LRRC8C: variants seen among roughly 807,000 people sequenced by gnomAD.
The protein encoded by LRRC8C is leucine rich repeat containing 8 VRAC subunit C.
In LRRC8C, 20 loss-of-function variants were observed where a neutral mutation model predicts 55.3. The ratio of observed to expected loss-of-function variants is 0.36; its 90% CI spans 0.25 to 0.53. The LOEUF (loss-of-function observed/expected upper bound fraction) is 0.53. Ranked by LOEUF, LRRC8C falls within the 20% of genes least tolerant of loss-of-function variation. LRRC8C has a pLI of 0.92. For synonymous variants in LRRC8C, 376 were observed against 360.7 expected (o/e 1.04, Z -0.48); for missense variants, 659 against 951.4 (o/e 0.69, Z 4.04).
intron 1 of LRRC8C, among the ~76,000 whole-genome samples, chr1:89,635,948 G>A (rs989198563): frequency 2.0e-5 from 3 of 152,106 alleles, no homozygotes; most frequent in Admixed American, 6.6e-5. Context: ...AACTAATGAG[G>A]GTTACATAAC....
chr1:89,705,877 T>C (rs1440075751), intron 2 of LRRC8C, among the ~76,000 whole-genome samples: 4 of 152,076 alleles, frequency 2.6e-5, no homozygotes, highest in Non-Finnish European at 5.9e-5. Context: ...ACAAAATCTA[T>C]GTGAGAAAAC....
intron 1 of LRRC8C, among the ~76,000 whole-genome samples, chr1:89,646,284 C>G (rs1055336030): frequency 1.3e-5 from 2 of 152,042 alleles, no homozygotes; most frequent in African/African-American, 4.8e-5. Context: ...ACTACAGACC[C>G]TACTGACGTT....
intron 1 of LRRC8C, among the ~76,000 whole-genome samples, chr1:89,662,459 C>G (rs1443536905): frequency 6.6e-6 from 1 of 152,174 alleles, no homozygotes; most frequent in Non-Finnish European, 1.5e-5. Context: ...CAGGATCATT[C>G]TGGTTGCTCA....
At chr1:89,643,797 T>C (rs1656536589) in intron 1 of LRRC8C, among the ~76,000 whole-genome samples, 1 of 152,214 alleles carries the variant, frequency 6.6e-6, no homozygotes, top group Non-Finnish European at 1.5e-5. Context: ...TTCTAAAGCA[T>C]GTGCTCATGC....
chr1:89,693,646 CTTTTTTTTTTTTTTTT>C (rs35427989), intron 2 of LRRC8C, among the ~76,000 whole-genome samples: 5 of 82,702 alleles, frequency 6.0e-5, no homozygotes, highest in Admixed American at 1.3e-4. Context: ...TCTTTTCTTC[CTTTTTTTTTTTTTTTT>C]TTTTTTTTTT....
At chr1:89,712,268 A>T (rs1289437606) in intron 2 of LRRC8C, among the ~76,000 whole-genome samples, 3 of 152,146 alleles carry the variant, frequency 2.0e-5, no homozygotes, top group African/African-American at 7.2e-5. Context: ...GCCTACCACC[A>T]TGCCCAGCTA....
At position 89,713,088 on chromosome 1, in the gene LRRC8C, G is replaced by A. The variant is rs779824657; in HGVS notation, c.518G>A (p.Arg173Gln). The A allele has an allele frequency of 2.4e-5, 39 of 1,613,402 alleles. No homozygotes were observed. The highest frequency in any genetic ancestry group is 2.9e-5 in the Non-Finnish European group (34 of 1,180,024). Residue 173 changes from arginine to glutamine, a missense_variant, in exon 3 of 3, where the codon CGG becomes CAG. Coordinates refer to ENST00000370454, the MANE Select transcript of LRRC8C (RefSeq NM_032270.5). The surrounding 1 kb of genome is among the most constrained non-coding windows in gnomAD (Gnocchi z 5.2). Reference protein sequence around the residue: ...GKCFDSPWTTRALSEVSGEDS... With the variant: ...GKCFDSPWTTQALSEVSGEDS... ...TGTTTTGACTCTCCTTGGACCACACGGGCTTTATCTGAAGTGTCTGGGGAG... is the reference window on the plus strand; with the variant it reads ...TGTTTTGACTCTCCTTGGACCACACAGGCTTTATCTGAAGTGTCTGGGGAG...
chr1:89,700,452 G>A (rs750186669), intron 2 of LRRC8C, among the ~76,000 whole-genome samples: 9 of 152,146 alleles, frequency 5.9e-5, no homozygotes, highest in Non-Finnish European at 1.0e-4. Flanking sequence ...CATGTATTAC[G>A]TTGGCACAAA....
At chr1:89,627,867 T>C in the LRRC8C span, among the ~76,000 whole-genome samples, 1 of 152,222 alleles carries the variant, frequency 6.6e-6, no homozygotes. Context: ...GCATCCCAAA[T>C]CTGAGGTGCT....
upstream of LRRC8C, chr1:89,631,613 G>A (rs1420038934): frequency 1.3e-5 from 2 of 151,084 alleles, no homozygotes; most frequent in Non-Finnish European, 2.9e-5. Flanking sequence ...TTTTTTTCTA[G>A]CAAACTGCTA....
intron 1 of LRRC8C, among the ~76,000 whole-genome samples, chr1:89,664,081 A>G (rs750101725): frequency 1.3e-5 from 2 of 152,124 alleles, no homozygotes; most frequent in Non-Finnish European, 2.9e-5. Context: ...TTGCCTGTTC[A>G]CCCTGATAAC....
intron 1 of LRRC8C, among the ~76,000 whole-genome samples, chr1:89,683,866 A>G (rs1657795213): frequency 6.6e-6 from 1 of 152,164 alleles, no homozygotes; most frequent in Non-Finnish European, 1.5e-5. Context: ...TCATATCACA[A>G]TAGATTGAAA....
intron 2 of LRRC8C, among the ~76,000 whole-genome samples, chr1:89,700,931 A>T (rs1173188198): frequency 6.6e-6 from 1 of 152,206 alleles, no homozygotes; most frequent in East Asian, 1.9e-4. Context: ...GGTACCACCT[A>T]TTTTATCATA....
the LRRC8C span, among the ~76,000 whole-genome samples, chr1:89,617,261 A>T: frequency 3.3e-5 from 5 of 152,216 alleles, no homozygotes; most frequent in East Asian, 5.8e-4. Context: ...AAACTAAGTG[A>T]TGAAGGACAC....
intron 1 of LRRC8C, among the ~76,000 whole-genome samples, chr1:89,658,165 G>A (rs1457501651): frequency 1.3e-5 from 2 of 152,098 alleles, no homozygotes; most frequent in African/African-American, 4.8e-5. Context: ...TAGCGTTTCT[G>A]GTATTGGAGT....
chr1:89,670,089 C>T (rs1006155959), intron 1 of LRRC8C, among the ~76,000 whole-genome samples: 1 of 152,110 alleles, frequency 6.6e-6, no homozygotes, highest in African/African-American at 2.4e-5. Context: ...CAAACCCTTT[C>T]CCATTCCCCT....
intron 1 of LRRC8C, among the ~76,000 whole-genome samples, chr1:89,641,160 A>G (rs1656443716): frequency 6.6e-6 from 1 of 152,242 alleles, no homozygotes. Flanking sequence ...AATTAAGATT[A>G]TTCCTAAGGG....
intron 1 of LRRC8C, among the ~76,000 whole-genome samples, chr1:89,663,700 C>G (rs1306469740): frequency 6.6e-6 from 1 of 152,070 alleles, no homozygotes; most frequent in Non-Finnish European, 1.5e-5. Context: ...GAGGAATTGT[C>G]ACACTGTCTT....
chr1:89,706,478 C>A, intron 2 of LRRC8C: 1 of 366,276 alleles, frequency 2.7e-6, no homozygotes, highest in Non-Finnish European at 5.4e-6. Flanking sequence ...CTTAATGATT[C>A]TAACAAAGGA....
Sources: allele counts gnomAD v4.1 joint callset (sites outside exome capture counted in the v4.1 genomes callset), GRCh38; gene constraint gnomAD v4.1.1; non-coding constraint Gnocchi (gnomAD v3.1); transcripts MANE v1.5; gene names NCBI Gene and HGNC (gene_info 2026-07-23, HGNC 2026-07-21).